The following LHFPL3 variants were observed in gnomAD, a reference collection of about 807,000 sequenced individuals.
The protein encoded by LHFPL3 is LHFPL tetraspan subfamily member 3, also known as LHFPL tetraspan subfamily member 3 protein.
In LHFPL3, 5 loss-of-function variants were observed where a neutral mutation model predicts 19.3. That is an observed-to-expected ratio of 0.26 (90% CI 0.14 to 0.54). The LOEUF (loss-of-function observed/expected upper bound fraction) is 0.54, where lower values mean the gene tolerates loss of function less well. Among genes scored for constraint, LHFPL3 ranks in the 20% least tolerant of loss-of-function variants. LHFPL3 has a pLI of 0.94. For synonymous variants in LHFPL3, 133 were observed against 126.2 expected (o/e 1.05, Z -0.36); for missense variants, 249 against 307.4 (o/e 0.81, Z 1.42).
intron 2 of LHFPL3, among the ~76,000 whole-genome samples, chr7:104,779,529 C>G (rs1169510159): frequency 6.6e-6 from 1 of 152,070 alleles, no homozygotes. Context: ...GTGGTCAAGT[C>G]TGTGGCTGGT....
chr7:104,762,743 G>T (rs566121332), intron 2 of LHFPL3, among the ~76,000 whole-genome samples: 1 of 152,164 alleles, frequency 6.6e-6, no homozygotes, highest in Non-Finnish European at 1.5e-5. Flanking sequence ...TGTATGGCAG[G>T]CATTTTGATT....
In LHFPL3 at chr7:104,590,324, G is replaced by A. The variant is rs185614818; in HGVS notation, c.446-146351G>A. Among the ~76,000 whole-genome samples the A allele has an allele frequency of 2.9e-3, 437 of 152,076 alleles. 1 individual carries two copies. Among genetic ancestry groups the A allele is most frequent in the African/African-American group, 9.5e-3 (394 of 41,500 alleles). On this transcript the variant is annotated intron_variant, in intron 1 of 2. Transcript: ENST00000424859. ...TCTGCTATGTTGTGTCTTTGTTCTC[G>A]TTGGTTTCAAAGAACATCTTTATTT...
intron 1 of LHFPL3, among the ~76,000 whole-genome samples, chr7:104,400,070 C>T (rs147685019): frequency 1.3e-4 from 17 of 126,586 alleles, no homozygotes; most frequent in African/African-American, 4.9e-4. Flanking sequence ...CACCATTGCC[C>T]TCCAGCCTGG....
chr7:104,539,420 T>G (rs991515497), intron 1 of LHFPL3, among the ~76,000 whole-genome samples: 5 of 152,182 alleles, frequency 3.3e-5, no homozygotes, highest in African/African-American at 1.2e-4. Flanking sequence ...GAAGTAAATT[T>G]AGTGGGGAGA....
intron 1 of LHFPL3, among the ~76,000 whole-genome samples, chr7:104,367,256 T>A (rs1396617627): frequency 1.3e-5 from 2 of 152,236 alleles, no homozygotes; most frequent in Non-Finnish European, 2.9e-5. Context: ...TGCATATGAA[T>A]AATGCATTTG....
At chr7:104,591,145 AT>A (rs1202409914) in intron 1 of LHFPL3, among the ~76,000 whole-genome samples, 1 of 152,128 alleles carries the variant, frequency 6.6e-6, no homozygotes, top group African/African-American at 2.4e-5. Context: ...TGTGAATTTG[AT>A]CCTGTCATTG....
At chr7:104,390,843 T>C (rs992810463) in intron 1 of LHFPL3, among the ~76,000 whole-genome samples, 5 of 152,048 alleles carry the variant, frequency 3.3e-5, no homozygotes, top group East Asian at 3.9e-4. Flanking sequence ...TCTCCAGCAC[T>C]TGTTGTTTCC....
intron 1 of LHFPL3, among the ~76,000 whole-genome samples, chr7:104,346,041 T>C (rs1790057928): frequency 1.2e-5 from 1 of 85,168 alleles, no homozygotes; most frequent in African/African-American, 8.2e-5. Flanking sequence ...TTATTCCTTC[T>C]TTTTTTTTTT....
chr7:104,697,417 C>A (rs1049119636), intron 1 of LHFPL3, among the ~76,000 whole-genome samples: 2 of 152,154 alleles, frequency 1.3e-5, no homozygotes, highest in African/African-American at 4.8e-5. Context: ...GTATATGTCA[C>A]CAGCACCCAT....
intron 1 of LHFPL3, among the ~76,000 whole-genome samples, chr7:104,667,321 C>G (rs566506139): frequency 6.6e-6 from 1 of 151,658 alleles, no homozygotes; most frequent in African/African-American, 2.4e-5. Context: ...AGCACATAAA[C>G]GTGTTTTATG....
intron 1 of LHFPL3, chr7:104,668,758 G>A (rs867613869): frequency 1.2e-6 from 2 of 1,608,444 alleles, no homozygotes; most frequent in Non-Finnish European, 1.7e-6. Context: ...TAAAGCCTCG[G>A]AGTACTCCTA....
intron 2 of LHFPL3, among the ~76,000 whole-genome samples, chr7:104,873,844 G>C (rs1392125710): frequency 2.0e-5 from 3 of 152,196 alleles, no homozygotes; most frequent in African/African-American, 4.8e-5. Flanking sequence ...CTCCTGACAA[G>C]ACTGTTATCT....
chr7:104,867,776 A>C lies in LHFPL3; in HGVS notation c.683-38411A>C, dbSNP rs1387131836. On this transcript the variant is annotated intron_variant, in intron 2 of 2. Coordinates refer to ENST00000424859, the MANE Select transcript of LHFPL3 (RefSeq NM_199000.3). ...CAAAGCCTGGCAGAGACACAACAAA[A>C]AAAGAGAATTTTAGACCAATATCCC... 5.3e-5 allele frequency among the ~76,000 whole-genome samples: 8 copies of C among 152,292 alleles called. No individual in the cohort carries two copies. The South Asian group carries it at 1.7e-3, about 32-fold the overall frequency.
At chr7:104,829,039 A>C (rs1342687804) in intron 2 of LHFPL3, among the ~76,000 whole-genome samples, 3 of 151,880 alleles carry the variant, frequency 2.0e-5, no homozygotes, top group Non-Finnish European at 2.9e-5. Context: ...TCAAAAAAAA[A>C]AGAGTCCCCA....
Position 104,576,802 on chromosome 7 carries a change from T to C in LHFPL3, c.446-159873T>C, listed in dbSNP as rs10252400. ...ATGGCTATAAACAAATCCTGGGATATGTTATAAAAAGGAAAGTATTACCGC... is the reference window on the plus strand; with the variant it reads ...ATGGCTATAAACAAATCCTGGGATACGTTATAAAAAGGAAAGTATTACCGC... On this transcript the variant is annotated intron_variant, in intron 1 of 2. Coordinates refer to ENST00000424859, the MANE Select transcript of LHFPL3 (RefSeq NM_199000.3). 5.1e-3 allele frequency among the ~76,000 whole-genome samples: 780 copies of C among 152,282 alleles called. 4 individuals are homozygous for C. The highest frequency in any genetic ancestry group is 0.018 in the African/African-American group (731 of 41,552).
chr7:104,688,677 T>C (rs907679891), intron 1 of LHFPL3, among the ~76,000 whole-genome samples: 1 of 152,092 alleles, frequency 6.6e-6, no homozygotes, highest in Non-Finnish European at 1.5e-5. Context: ...TGGCCTCCCC[T>C]GAGGCAGTTG....
chr7:104,821,121 T>TA (rs989479488), intron 2 of LHFPL3, among the ~76,000 whole-genome samples: 24 of 152,212 alleles, frequency 1.6e-4, no homozygotes, highest in East Asian at 1.5e-3. Context: ...TTTCTGCTTT[T>TA]AAAAAAAATG....
chr7:104,481,372 G>T (rs561798008), intron 1 of LHFPL3, among the ~76,000 whole-genome samples: 1 of 152,112 alleles, frequency 6.6e-6, no homozygotes, highest in Admixed American at 6.6e-5. Context: ...TTGAGATAAA[G>T]CATTCATGTG....
intron 2 of LHFPL3, among the ~76,000 whole-genome samples, chr7:104,767,987 C>T (rs1261528100): frequency 6.6e-6 from 1 of 152,154 alleles, no homozygotes; most frequent in Non-Finnish European, 1.5e-5. Context: ...ATCCTCATCA[C>T]ATGGTATCCC....
Sources: allele counts gnomAD v4.1 joint callset (sites outside exome capture counted in the v4.1 genomes callset), GRCh38; gene constraint gnomAD v4.1.1; transcripts MANE v1.5; gene names NCBI Gene and HGNC (gene_info 2026-07-23, HGNC 2026-07-21).